SENP7: variants seen among roughly 807,000 people sequenced by gnomAD.
SENP7 encodes SUMO specific peptidase 7.
A neutral mutation model predicts 141.2 loss-of-function variants in SENP7; 64 were observed. That is an observed-to-expected ratio of 0.45 (90% CI 0.37 to 0.56). The LOEUF is 0.56. SENP7 is among the 20% of genes least tolerant of loss of function. The probability of loss-of-function intolerance (pLI) is 0.00; values close to 1 mark genes in which losing one functional copy is unlikely to be tolerated. For missense variants in SENP7, 1,025 were observed against 1,212.2 expected (o/e 0.85, Z 2.29); for synonymous variants, 382 against 426.4 (o/e 0.90, Z 1.28).
At chr3:101,501,773 C>A (rs961304402) in intron 1 of SENP7, among the ~76,000 whole-genome samples, 4 of 152,074 alleles carry the variant, frequency 2.6e-5, no homozygotes, top group African/African-American at 9.7e-5. Context: ...TCCAAACTTT[C>A]CTGGAACTTA....
chr3:101,331,559 A>T (rs1462493879), intron 19 of SENP7, among the ~76,000 whole-genome samples: 1 of 53,132 alleles, frequency 1.9e-5, no homozygotes, highest in Non-Finnish European at 4.0e-5. Flanking sequence ...AAAAATGTCA[A>T]TGGAAATAAT....
At chr3:101,408,300 A>C (rs921533763) in intron 5 of SENP7, among the ~76,000 whole-genome samples, 5 of 152,100 alleles carry the variant, frequency 3.3e-5, no homozygotes, top group Non-Finnish European at 5.9e-5. Flanking sequence ...AACATTACCA[A>C]CAACAAAAAA....
At chr3:101,472,624 C>T (rs529178509) in intron 3 of SENP7, among the ~76,000 whole-genome samples, 2 of 152,162 alleles carry the variant, frequency 1.3e-5, no homozygotes, top group South Asian at 4.1e-4. Context: ...ACATTATGCA[C>T]ATGTACCCTA....
chr3:101,504,969 T>C (rs1215577302), intron 1 of SENP7, among the ~76,000 whole-genome samples: 1 of 151,694 alleles, frequency 6.6e-6, no homozygotes, highest in Non-Finnish European at 1.5e-5. Context: ...CAGTGAGGCA[T>C]GTGGAGAATC....
At chr3:101,388,905 C>T (rs1452701783) in intron 6 of SENP7, among the ~76,000 whole-genome samples, 1 of 151,662 alleles carries the variant, frequency 6.6e-6, no homozygotes, top group Non-Finnish European at 1.5e-5. Context: ...AGAAGAATTT[C>T]TGAACTTGAA....
chr3:101,408,360 G>GA (rs1409501145), intron 5 of SENP7, among the ~76,000 whole-genome samples: 1 of 152,142 alleles, frequency 6.6e-6, no homozygotes, highest in African/African-American at 2.4e-5. Flanking sequence ...GACATTCAAA[G>GA]AAAAACTGGT....
intron 4 of SENP7, among the ~76,000 whole-genome samples, chr3:101,449,697 C>T (rs916730453): frequency 9.9e-5 from 15 of 152,130 alleles, no homozygotes; most frequent in East Asian, 3.9e-4. Flanking sequence ...CCAGGCCTGC[C>T]CTACAACAGC....
chr3:101,456,936 T>C (rs1394657162), intron 4 of SENP7, among the ~76,000 whole-genome samples: 3 of 148,474 alleles, frequency 2.0e-5, no homozygotes, highest in East Asian at 2.0e-4. Flanking sequence ...CTTAATGATA[T>C]AAGCTTTTTG....
intron 4 of SENP7, chr3:101,458,618 T>C (rs1429983132): frequency 1.2e-5 from 2 of 168,396 alleles, no homozygotes; most frequent in African/African-American, 4.8e-5. Flanking sequence ...TTCATTTGAC[T>C]AGCCTTTAAA....
chr3:101,384,654 C>T (rs1052222840), intron 6 of SENP7, among the ~76,000 whole-genome samples: 3 of 152,348 alleles, frequency 2.0e-5, no homozygotes, highest in Non-Finnish European at 2.9e-5. Flanking sequence ...GCTCACACAC[C>T]CCTCGCCACT....
chr3:101,445,477 A>G (rs1198891276), intron 4 of SENP7, among the ~76,000 whole-genome samples: 7 of 152,212 alleles, frequency 4.6e-5, no homozygotes, highest in African/African-American at 1.2e-4. Context: ...AGAGTAAACA[A>G]TAAAGAGAAA....
chr3:101,403,867 G>A (rs759507164), intron 5 of SENP7, among the ~76,000 whole-genome samples: 1 of 152,126 alleles, frequency 6.6e-6, no homozygotes, highest in Non-Finnish European at 1.5e-5. Flanking sequence ...GCTAACCAGG[G>A]AGGTGAAAGA....
At chr3:101,362,879 A>G (rs2059938254) in intron 10 of SENP7, among the ~76,000 whole-genome samples, 1 of 152,224 alleles carries the variant, frequency 6.6e-6, no homozygotes, top group Non-Finnish European at 1.5e-5. Flanking sequence ...ACCAGGCAAT[A>G]TCAGCAGCAA....
intron 2 of SENP7, among the ~76,000 whole-genome samples, chr3:101,495,189 A>G (rs2065116182): frequency 6.6e-6 from 1 of 152,200 alleles, no homozygotes; most frequent in Non-Finnish European, 1.5e-5. Flanking sequence ...GCAAATCAAA[A>G]CGACAACGAG....
At chr3:101,437,792 C>T (rs771119694) in intron 4 of SENP7, among the ~76,000 whole-genome samples, 11 of 151,930 alleles carry the variant, frequency 7.2e-5, no homozygotes, top group Non-Finnish European at 1.6e-4. Context: ...CTTGTGTAGC[C>T]GTTTCTCCAA....
rs779888270 is a variant in SENP7, at chr3:101,372,123, G to C, written c.681C>G (p.Gly227=). ...PHKSCYLSER[G]SQRSKTVDDN... is the part of the protein sequence containing the mutation. The stretch of plus-strand genomic sequence containing the variant: ...CATCTACTGTCTTACTTCGTTGTGA[G>C]CCCCTGCAAAAGAGAACTGTATTAT... Residue 227 remains glycine (G), a synonymous_variant, in exon 7 of 24, where the codon GGC becomes GGG. Coordinates refer to ENST00000394095, the MANE Select transcript of SENP7 (RefSeq NM_020654.5). 94 of 1,529,500 alleles carry C rather than the reference G, an allele frequency of 6.1e-5. 1 individual carries two copies. In the South Asian group the frequency reaches 1.2e-3, roughly 19 times the overall value. 94.7% of individuals were successfully genotyped at this position (1,529,500 alleles called of 1,614,324 possible).
intron 12 of SENP7, among the ~76,000 whole-genome samples, chr3:101,351,037 T>C (rs2059599882): frequency 6.6e-6 from 1 of 151,984 alleles, no homozygotes; most frequent in Non-Finnish European, 1.5e-5. Context: ...CTCTAATTCC[T>C]ATCTATGCCA....
intron 11 of SENP7, chr3:101,357,333 A>T (rs956970526): frequency 4.3e-5 from 29 of 668,812 alleles, no homozygotes; most frequent in Non-Finnish European, 6.8e-5. Context: ...TGGAATTTAT[A>T]TAAGGATGTG....
intron 4 of SENP7, 122 bp from the exon 5 acceptor site, chr3:101,417,912 C>A (rs908740036): frequency 8.1e-6 from 6 of 736,886 alleles, no homozygotes; most frequent in East Asian, 2.8e-5. Context: ...ATAGTAAATA[C>A]CCTAAGAAAA....
Sources: allele counts gnomAD v4.1 joint callset (sites outside exome capture counted in the v4.1 genomes callset), GRCh38; gene constraint gnomAD v4.1.1; transcripts MANE v1.5; gene names NCBI Gene and HGNC (gene_info 2026-07-23, HGNC 2026-07-21).